PPP4R3B: variants seen among roughly 807,000 people sequenced by gnomAD.
PPP4R3B encodes the protein serine/threonine-protein phosphatase 4 regulatory subunit 3B.
Under a neutral mutation model 95.4 loss-of-function variants are expected in PPP4R3B, and 52 were observed. The ratio of observed to expected loss-of-function variants is 0.54; its 90% CI spans 0.44 to 0.69. PPP4R3B has a LOEUF of 0.69. Ranked by LOEUF, PPP4R3B falls within the 30% of genes least tolerant of loss-of-function variation. The pLI, the probability that PPP4R3B is intolerant of heterozygous loss-of-function variation, is 0.00. For synonymous variants in PPP4R3B, 407 were observed against 343.9 expected, an observed-to-expected ratio of 1.18 and a Z score of -2.03; for missense variants, 1,003 against 1,005.9, an observed-to-expected ratio of 1.00 and a Z score of 0.04.
intron 8 of PPP4R3B, among the ~76,000 whole-genome samples, chr2:55,580,727 AATG>A (rs1689337602): frequency 6.6e-6 from 1 of 152,198 alleles, no homozygotes; most frequent in African/African-American, 2.4e-5. Context: ...ACAAACTTGT[AATG>A]ATTTAAAAAC....
At position 55,548,056 on chromosome 2, in the gene PPP4R3B, A is replaced by G. The variant is rs1490717346; in HGVS notation, c.*1855T>C. On this transcript the variant is annotated 3_prime_UTR_variant, in exon 17 of 17. Transcript: ENST00000616407. ...TGGGAACTTTACTGATCTTAGTTTA[A>G]AATATCCTGAGTCACCTGCCTTATG... 6.6e-6 allele frequency: 1 copy of G among 152,208 alleles called. No individual in the cohort carries two copies. Among genetic ancestry groups the G allele is most frequent in the Non-Finnish European group, 1.5e-5 (1 of 68,028 alleles). The allele number at this position is 152,208 out of a possible 1,614,324, so 9.4% of individuals were successfully genotyped here.
rs1261530175 is a variant in PPP4R3B at position 55,549,792 on chromosome 2, T to C, written c.*119A>G. On this transcript the variant is annotated 3_prime_UTR_variant, in exon 17 of 17. Transcript: ENST00000616407. ...ACTCTCTTAGCTGATATACTGTCTT[T>C]TGCTACTCCTTGTATATTTTATAAG... 3 of 775,954 alleles carry C rather than the reference T, an allele frequency of 3.9e-6. No individual in the cohort carries two copies. The highest frequency in any genetic ancestry group is 6.6e-6 in the Non-Finnish European group (3 of 453,478). 48.1% of individuals were successfully genotyped at this position (775,954 alleles called of 1,614,324 possible).
chr2:55,598,495 G>C lies in PPP4R3B; in HGVS notation c.842C>G (p.Ser281Cys), dbSNP rs757826844. 9.3e-6 allele frequency: 15 copies of C among 1,614,172 alleles called. No individual in the cohort carries two copies. The highest frequency in any genetic ancestry group is 1.2e-5 in the Non-Finnish European group (14 of 1,180,038). Residue 281 changes from serine (S) to cysteine (C), a missense_variant, in exon 4 of 17, where the codon TCT (serine) becomes TGT (cysteine). Physicochemically the swap from Ser to Cys is moderately radical, Grantham distance 112. This residue lies in a region of PPP4R3B where 695 missense variants were observed against 686.2 expected (regional missense o/e 1.01). Coordinates refer to ENST00000616407, the MANE Select transcript of PPP4R3B (RefSeq NM_001122964.3). ...YIQDIILPTPSVFEENFLSTL... is the reference protein window; with the variant it reads ...YIQDIILPTPCVFEENFLSTL... ...AGAAAGAAAATTCTCTTCAAAAACAGATGGTGTGGGCAAAATGATGTCCTG... is the reference window on the plus strand; with the variant it reads ...AGAAAGAAAATTCTCTTCAAAAACACATGGTGTGGGCAAAATGATGTCCTG...
rs544972819 is a variant in PPP4R3B at position 55,548,000 on chromosome 2, C to T, written c.*1911G>A. 13 of 152,224 alleles carry T rather than the reference C, an allele frequency of 8.5e-5. 1 individual carries two copies. In the East Asian group the frequency reaches 1.9e-3, roughly 23 times the overall value. The allele number at this position is 152,224 out of a possible 1,614,324, so 9.4% of individuals were successfully genotyped here. A position where few individuals can be genotyped will look rare whatever the true frequency, so the allele number is the denominator to read the frequency against. On this transcript the variant is annotated 3_prime_UTR_variant, in exon 17 of 17. Coordinates refer to ENST00000616407, the MANE Select transcript of PPP4R3B (RefSeq NM_001122964.3). ...TTACTAAAAGCTGAGAGATGGGTCT[C>T]GATAAAATTTGATGATTCAAAGAAA...
At chr2:55,555,875 C>G (rs1260946926) in intron 16 of PPP4R3B, among the ~76,000 whole-genome samples, 1 of 152,134 alleles carries the variant, frequency 6.6e-6, no homozygotes, top group Non-Finnish European at 1.5e-5. Context: ...GAATCTGTGA[C>G]GTGTTTATTT....
chr2:55,602,546 T>TCC (rs1692769958), intron 3 of PPP4R3B, among the ~76,000 whole-genome samples: 1 of 152,200 alleles, frequency 6.6e-6, no homozygotes, highest in Non-Finnish European at 1.5e-5. Context: ...GGTGCTGGAA[T>TCC]AAGGTCAGCC....
Position 55,558,781 on chromosome 2 carries a change from G to T in PPP4R3B, c.2448C>A (p.Ala816=). Residue 816 remains alanine, a synonymous_variant, in exon 16 of 17, where the codon GCC becomes GCA. Transcript: ENST00000616407. ...KTTNLPTSVT[A]TKGSLVGLVD... ...GTAATGCTGTTTCACCTACCTTGGT[G>T]GCTGTTACTGACGTAGGCAAGTTTG... 1 of 1,604,126 alleles carries T rather than the reference G, an allele frequency of 6.2e-7. No homozygotes were observed. The highest frequency in any genetic ancestry group is 2.2e-5 in the East Asian group (1 of 44,546).
intron 15 of PPP4R3B, 36 bp downstream of exon 15, chr2:55,564,275 AAG>A: frequency 2.0e-6 from 3 of 1,537,426 alleles, no homozygotes; most frequent in East Asian, 4.6e-5. Flanking sequence ...TGCACTAAAT[AAG>A]AGGGTACACT....
intron 16 of PPP4R3B, among the ~76,000 whole-genome samples, chr2:55,558,402 G>C (rs1040950323): frequency 9.9e-5 from 15 of 152,134 alleles, no homozygotes; most frequent in Non-Finnish European, 1.8e-4. Flanking sequence ...GAGGTCAAGA[G>C]ATCGAGACCA....
intron 11 of PPP4R3B, among the ~76,000 whole-genome samples, chr2:55,574,002 C>A (rs1688334147): frequency 6.6e-6 from 1 of 151,226 alleles, no homozygotes; most frequent in Non-Finnish European, 1.5e-5. Flanking sequence ...GATCCTCCCA[C>A]CTCAGCTGCC....
chr2:55,555,396 A>T (rs2103801934), intron 16 of PPP4R3B, among the ~76,000 whole-genome samples: 2 of 152,124 alleles, frequency 1.3e-5, no homozygotes, highest in East Asian at 3.9e-4. Flanking sequence ...TCCTAAGATC[A>T]CCACTTGAGT....
intron 4 of PPP4R3B, among the ~76,000 whole-genome samples, chr2:55,593,179 T>C (rs762161500): frequency 2.0e-5 from 3 of 152,046 alleles, no homozygotes; most frequent in Non-Finnish European, 4.4e-5. Flanking sequence ...ATAAATAATT[T>C]CTAAAATATT....
intron 1 of PPP4R3B, among the ~76,000 whole-genome samples, chr2:55,615,812 C>G (rs2103941608): frequency 7.3e-6 from 1 of 137,054 alleles, no homozygotes; most frequent in South Asian, 2.3e-4. Flanking sequence ...TAGCCCAGAT[C>G]GCGCCATTGA....
intron 12 of PPP4R3B, among the ~76,000 whole-genome samples, chr2:55,573,387 A>G (rs1688251948): frequency 6.6e-6 from 1 of 152,202 alleles, no homozygotes; most frequent in Non-Finnish European, 1.5e-5. Flanking sequence ...GTCACTGCAC[A>G]TGGTAATGTA....
In PPP4R3B at chr2:55,556,642, A is replaced by AG. The variant is rs1215154915; in HGVS notation, c.2454+2132_2454+2133insC. Among the ~76,000 whole-genome samples the AG allele has an allele frequency of 5.9e-5, 9 of 152,026 alleles. No homozygotes were observed. In the South Asian group the frequency reaches 1.9e-3, roughly 32 times the overall value. Reference sequence around the variant, plus strand: ...TGTATTACTTTGATTTAAAAAAAAAAAAAGAAAAAAAAGAAAAGCTAATAT... The same window carrying AG: ...TGTATTACTTTGATTTAAAAAAAAAAGAAAGAAAAAAAAGAAAAGCTAATAT... On this transcript the variant is annotated intron_variant, in intron 16 of 16. Transcript: ENST00000616407.
At chr2:55,611,223 A>C (rs1694125013) in intron 2 of PPP4R3B, among the ~76,000 whole-genome samples, 1 of 152,050 alleles carries the variant, frequency 6.6e-6, no homozygotes, top group African/African-American at 2.4e-5. Flanking sequence ...ACGCACAGGC[A>C]CAATCATAGC....
rs750167221 is a variant in PPP4R3B, at chr2:55,617,105, G to A, written c.142+39C>T. On this transcript the variant is annotated intron_variant, in intron 1 of 16. Coordinates refer to ENST00000616407, the MANE Select transcript of PPP4R3B (RefSeq NM_001122964.3). ...CTAAACCCAAGCTGTGCCCCAACCAGAGGCACTATCCCCTATTCTACAGTT... is the reference window on the plus strand; with the variant it reads ...CTAAACCCAAGCTGTGCCCCAACCAAAGGCACTATCCCCTATTCTACAGTT... The A allele has an allele frequency of 4.5e-6, 7 of 1,560,240 alleles. No homozygotes were observed. The South Asian group carries it at 5.8e-5, about 13-fold the overall frequency.
At chr2:55,607,764 C>T (rs186624006) in intron 2 of PPP4R3B, among the ~76,000 whole-genome samples, 9 of 152,256 alleles carry the variant, frequency 5.9e-5, no homozygotes, top group Admixed American at 1.3e-4. Flanking sequence ...GGTTCAAAGC[C>T]GCAATCTTCT....
At chr2:55,602,963 T>C (rs1692843255) in intron 3 of PPP4R3B, among the ~76,000 whole-genome samples, 1 of 151,906 alleles carries the variant, frequency 6.6e-6, no homozygotes, top group Non-Finnish European at 1.5e-5. Context: ...GAATACTCTT[T>C]TTTTTTTTTT....
Sources: allele counts gnomAD v4.1 joint callset (sites outside exome capture counted in the v4.1 genomes callset), GRCh38; gene constraint gnomAD v4.1.1; regional missense constraint gnomAD v4.1.1; transcripts MANE v1.5; gene names NCBI Gene and HGNC (gene_info 2026-07-23, HGNC 2026-07-21).